SCFD2: variants seen among roughly 807,000 people sequenced by gnomAD.
SCFD2 encodes the protein sec1 family domain containing 2, also known as sec1 family domain-containing protein 2.
A neutral mutation model predicts 58.9 loss-of-function variants in SCFD2; 54 were observed. That is an observed-to-expected ratio of 0.92 (90% CI 0.74 to 1.15). The LOEUF (loss-of-function observed/expected upper bound fraction) is 1.15. Among genes scored for constraint, SCFD2 ranks in the 50% most tolerant of loss-of-function variants. The probability of loss-of-function intolerance (pLI) is 0.00; values close to 1 mark genes in which losing one functional copy is unlikely to be tolerated. For missense variants in SCFD2, 805 were observed against 836.6 expected, an observed-to-expected ratio of 0.96 and a Z score of 0.47; for synonymous variants, 321 against 335.9, an observed-to-expected ratio of 0.96 and a Z score of 0.49.
At chr4:53,335,193 T>TC (rs1553901537) in intron 2 of SCFD2, among the ~76,000 whole-genome samples, 1 of 5,998 alleles carries the variant, frequency 1.7e-4, no homozygotes, top group African/African-American at 3.4e-4. Context: ...AGACTCCGTC[T>TC]CAAAAAAAAA....
At position 53,352,701 on chromosome 4, in the gene SCFD2, C is replaced by G. The variant is rs754888249; in HGVS notation, c.904G>C (p.Gly302Arg). ...TTAACCATCACATCATTTGTGTGGC[C>G]TGGGAGCTGGGGAAGTGCTGAAATG... ...KIISALPQLP[G>R]HTNDVMVNMI... The change falls in exon 2 of 9, where the codon GGC becomes CGC. Residue 302 changes from glycine to arginine, a missense_variant. Gly to Arg is a moderately radical substitution (Grantham distance 125). Around this residue, in one of 3 missense-constraint regions of SCFD2, gnomAD observed 633 missense variants for 646.8 expected, o/e 0.98. Coordinates refer to ENST00000401642, the MANE Select transcript of SCFD2 (RefSeq NM_152540.4). 3.7e-6 allele frequency: 6 copies of G among 1,613,950 alleles called. No individual in the cohort carries two copies. In the Admixed American group the frequency reaches 5.0e-5, roughly 13 times the overall value.
chr4:53,074,851 T>A (rs1246947803), intron 5 of SCFD2, among the ~76,000 whole-genome samples: 1 of 152,184 alleles, frequency 6.6e-6, no homozygotes, highest in Admixed American at 6.5e-5. Context: ...AGATTTAGCA[T>A]AATTGTTAAG....
intron 7 of SCFD2, among the ~76,000 whole-genome samples, chr4:52,903,507 CT>C (rs1034606859): frequency 6.6e-6 from 1 of 152,144 alleles, no homozygotes; most frequent in African/African-American, 2.4e-5. Context: ...GTGCTGCATT[CT>C]GAATAAGGAC....
chr4:53,311,663 G>GTC (rs1438186337), intron 3 of SCFD2, among the ~76,000 whole-genome samples: 1 of 149,580 alleles, frequency 6.7e-6, no homozygotes, highest in African/African-American at 2.5e-5. Context: ...TTTAAACGGT[G>GTC]TCTCACTCTG....
Position 53,005,816 on chromosome 4 carries a change from C to T in SCFD2, c.1562-84946G>A, listed in dbSNP as rs17082263. Among the ~76,000 whole-genome samples the T allele has an allele frequency of 3.4e-3, 515 of 152,334 alleles. 11 individuals carry two copies. Among genetic ancestry groups the T allele is most frequent in the Admixed American group, 0.026 (405 of 15,308 alleles). Reference sequence around the variant, plus strand: ...AACATCTAGATTCTACTGAAACCTTCTACCTTGAGTGTGCATTCACAAAAG... The same window carrying T: ...AACATCTAGATTCTACTGAAACCTTTTACCTTGAGTGTGCATTCACAAAAG... On this transcript the variant is annotated intron_variant, in intron 5 of 8. Coordinates refer to ENST00000401642, the MANE Select transcript of SCFD2 (RefSeq NM_152540.4).
chr4:53,038,934 C>G (rs1722829496), intron 5 of SCFD2, among the ~76,000 whole-genome samples: 2 of 152,220 alleles, frequency 1.3e-5, no homozygotes, highest in African/African-American at 4.8e-5. Context: ...AAGTGATCCT[C>G]CTGCCTCAGT....
intron 4 of SCFD2, among the ~76,000 whole-genome samples, chr4:53,248,539 GA>G: frequency 6.6e-6 from 1 of 152,334 alleles, no homozygotes; most frequent in South Asian, 2.1e-4. Flanking sequence ...CAGCTTTGAA[GA>G]GAGCAGTGGT....
intron 5 of SCFD2, among the ~76,000 whole-genome samples, chr4:53,050,973 G>C (rs530970917): frequency 2.6e-4 from 39 of 152,172 alleles, no homozygotes; most frequent in African/African-American, 8.9e-4. Context: ...CCTGGTAGGC[G>C]CTCTCTCAAA....
At chr4:52,885,572 T>G (rs954065814) in intron 8 of SCFD2, among the ~76,000 whole-genome samples, 175 bp downstream of exon 8, 1 of 151,992 alleles carries the variant, frequency 6.6e-6, no homozygotes, top group Non-Finnish European at 1.5e-5. Flanking sequence ...GGGCTGGTTC[T>G]GGCTGCAGGA....
At chr4:53,036,128 T>A (rs917154788) in intron 5 of SCFD2, among the ~76,000 whole-genome samples, 1 of 152,056 alleles carries the variant, frequency 6.6e-6, no homozygotes, top group African/African-American at 2.4e-5. Context: ...GTTACATAGG[T>A]ATACACGTGC....
At chr4:53,232,825 T>C (rs1729479686) in intron 4 of SCFD2, among the ~76,000 whole-genome samples, 1 of 152,172 alleles carries the variant, frequency 6.6e-6, no homozygotes, top group Non-Finnish European at 1.5e-5. Context: ...TGCTCAGCAC[T>C]CTTCTACATC....
intron 5 of SCFD2, among the ~76,000 whole-genome samples, chr4:52,982,046 G>GGA (rs1721388309): frequency 6.6e-6 from 1 of 152,190 alleles, no homozygotes; most frequent in Admixed American, 6.5e-5. Flanking sequence ...ATGGATCAAG[G>GGA]ATGACTCTTA....
In SCFD2 at chr4:53,329,383, C is replaced by G. The variant is rs1319468018; in HGVS notation, c.1008-15620G>C. Among the ~76,000 whole-genome samples, 7 of 152,040 alleles carry G rather than the reference C, an allele frequency of 4.6e-5. No homozygotes were observed. In the East Asian group the frequency reaches 9.7e-4, roughly 21 times the overall value. On this transcript the variant is annotated intron_variant, in intron 2 of 8. Transcript: ENST00000401642. ...GAAGAGAGCAGTGGTTCTCCCAGCA[C>G]GCAGCTGGAGATCTCAGAACGGGCA... is the stretch of plus-strand genomic sequence containing the variant.
At chr4:53,237,793 G>A (rs1287488405) in intron 4 of SCFD2, among the ~76,000 whole-genome samples, 5 of 52,318 alleles carry the variant, frequency 9.6e-5, no homozygotes, top group African/African-American at 3.2e-4. Context: ...CCTCCATCCC[G>A]GACGGGGCGG....
intron 5 of SCFD2, among the ~76,000 whole-genome samples, chr4:53,006,532 C>T (rs1050263105): frequency 2.0e-5 from 3 of 152,214 alleles, no homozygotes; most frequent in African/African-American, 7.2e-5. Context: ...AATAAACATG[C>T]CTCTCCTGTC....
chr4:52,984,493 A>C (rs996174377), intron 5 of SCFD2, among the ~76,000 whole-genome samples: 4 of 152,202 alleles, frequency 2.6e-5, no homozygotes, highest in African/African-American at 4.8e-5. Flanking sequence ...GTGGAATCAA[A>C]TGCTTTCCAA....
intron 5 of SCFD2, among the ~76,000 whole-genome samples, chr4:53,040,194 C>T (rs139011575): frequency 1.3e-3 from 194 of 152,236 alleles, no homozygotes; most frequent in Middle Eastern, 6.8e-3. Context: ...GTTTAGAGTG[C>T]TGTTGCTCTT....
chr4:52,946,797 T>C (rs1358815518), intron 5 of SCFD2, among the ~76,000 whole-genome samples: 1 of 152,150 alleles, frequency 6.6e-6, no homozygotes, highest in Non-Finnish European at 1.5e-5. Flanking sequence ...GACTCAGGGA[T>C]TGTTTTTCTT....
chr4:53,031,113 C>T (rs534444024), intron 5 of SCFD2, among the ~76,000 whole-genome samples: 1 of 152,288 alleles, frequency 6.6e-6, no homozygotes, highest in African/African-American at 2.4e-5. Flanking sequence ...GTTCTGCAGC[C>T]TCCACTGGTG....
Sources: allele counts gnomAD v4.1 joint callset (sites outside exome capture counted in the v4.1 genomes callset), GRCh38; gene constraint gnomAD v4.1.1; regional missense constraint gnomAD v4.1.1; transcripts MANE v1.5; gene names NCBI Gene and HGNC (gene_info 2026-07-23, HGNC 2026-07-21).